Variants in CACNA2D4 observed in about 807,000 individuals in gnomAD.
The protein encoded by CACNA2D4 is calcium voltage-gated channel auxiliary subunit alpha2delta 4, also known as voltage-dependent calcium channel subunit alpha-2/delta-4.
A neutral mutation model predicts 163.8 loss-of-function variants in CACNA2D4; 157 were observed. The ratio of observed to expected loss-of-function variants is 0.96; its 90% CI spans 0.84 to 1.09. CACNA2D4 has a LOEUF of 1.09. Among genes scored for constraint, CACNA2D4 ranks in the 50% least tolerant of loss-of-function variants. CACNA2D4 has a pLI of 0.00. For missense variants in CACNA2D4, 1,410 were observed against 1,479.9 expected, an observed-to-expected ratio of 0.95 and a Z score of 0.78; for synonymous variants, 598 against 586.9, an observed-to-expected ratio of 1.02 and a Z score of -0.27.
Position 1,814,357 on chromosome 12 carries a change from C to G in CACNA2D4, c.2552-2634G>C, listed in dbSNP as rs376398070. Among the ~76,000 whole-genome samples, 279 of 152,314 alleles carry G rather than the reference C, an allele frequency of 1.8e-3. 1 individual carries two copies. The highest frequency in any genetic ancestry group is 6.3e-3 in the African/African-American group (262 of 41,560). ...TGGTTCCATTCCAGGCTCCTCCAAGCCAAGCTGTGTGTCTTGCCCCGGGTG... is the reference window on the plus strand; with the variant it reads ...TGGTTCCATTCCAGGCTCCTCCAAGGCAAGCTGTGTGTCTTGCCCCGGGTG... On this transcript the variant is annotated intron_variant, in intron 26 of 37. Transcript: ENST00000382722.
chr12:1,831,040 G>T, intron 26 of CACNA2D4: 1 of 1,614,072 alleles, frequency 6.2e-7, no homozygotes, highest in East Asian at 2.2e-5. Context: ...AGTGGCCTTG[G>T]CCTCACCACG....
At chr12:1,810,145 C>A (rs1361152143) in intron 29 of CACNA2D4, 133 bp downstream of exon 29, 2 of 698,466 alleles carry the variant, frequency 2.9e-6, no homozygotes, top group Non-Finnish European at 5.1e-6. Context: ...GTTCTTCAGA[C>A]CTTTCACCTG....
chr12:1,910,003 A>G (rs1565741754), intron 3 of CACNA2D4, 38 bp from the exon 4 acceptor site: 1 of 1,577,136 alleles, frequency 6.3e-7, no homozygotes, highest in Non-Finnish European at 8.7e-7. Context: ...AGAATGGGTA[A>G]AAGGAGCCCA....
At chr12:1,857,866 G>A (rs947884117) in intron 20 of CACNA2D4, among the ~76,000 whole-genome samples, 3 of 152,190 alleles carry the variant, frequency 2.0e-5, no homozygotes, top group Non-Finnish European at 4.4e-5. Flanking sequence ...ATCAAATTAA[G>A]ATGAGATCAT....
intron 2 of CACNA2D4, 60 bp downstream of exon 2, chr12:1,914,794 G>C: frequency 8.7e-7 from 1 of 1,155,598 alleles, no homozygotes; most frequent in Non-Finnish European, 1.3e-6. Context: ...GGCATTTGGG[G>C]GCTTCGATGG....
rs773758032 is a variant in CACNA2D4 at position 1,797,426 on chromosome 12, G to A, written c.3105C>T (p.Pro1035=). The change falls in exon 35 of 38, where the codon CCC becomes CCT. Residue 1035 remains proline (P), a synonymous_variant. Coordinates refer to ENST00000382722, the MANE Select transcript of CACNA2D4 (RefSeq NM_172364.5). ...CCGCCCTGCGGTCTTACTTCTGGCA[G>A]GGCCCGCACTCCACGATCCCGTTGG... ...REANGIVECG[P]CQKVFVVQQI... The A allele has an allele frequency of 9.1e-6, 14 of 1,545,858 alleles. No homozygotes were observed. The highest frequency in any genetic ancestry group is 1.7e-4 in the Middle Eastern group (1 of 5,808).
At chr12:1,842,299 C>T (rs1647920905) in intron 25 of CACNA2D4, among the ~76,000 whole-genome samples, 1 of 152,204 alleles carries the variant, frequency 6.6e-6, no homozygotes, top group East Asian at 1.9e-4. Context: ...GCACTGACTG[C>T]ACAATGCAGC....
chr12:1,893,372 A>G (rs1236277734), intron 6 of CACNA2D4, among the ~76,000 whole-genome samples: 1 of 152,154 alleles, frequency 6.6e-6, no homozygotes, highest in Admixed American at 6.5e-5. Context: ...AAAAAAAATT[A>G]GCCACACATG....
intron 16 of CACNA2D4, among the ~76,000 whole-genome samples, chr12:1,876,902 A>G (rs958961992): frequency 6.6e-6 from 1 of 152,210 alleles, no homozygotes; most frequent in African/African-American, 2.4e-5. Context: ...AAATACTCCT[A>G]CATGGGGCAC....
chr12:1,831,606 T>C, intron 26 of CACNA2D4: 1 of 1,249,238 alleles, frequency 8.0e-7, no homozygotes, highest in Non-Finnish European at 1.1e-6. Context: ...GGTGGCTGGG[T>C]GCTGACTCAG....
intron 19 of CACNA2D4, among the ~76,000 whole-genome samples, chr12:1,859,612 C>T (rs1450561129): frequency 6.6e-6 from 1 of 152,214 alleles, no homozygotes; most frequent in Non-Finnish European, 1.5e-5. Flanking sequence ...TTAATCTTCA[C>T]AACATCACCA....
rs1004333449 is a variant in CACNA2D4 at position 1,843,206 on chromosome 12, C to T, written c.2470+1196G>A. Among the ~76,000 whole-genome samples, 4 of 152,074 alleles carry T rather than the reference C, an allele frequency of 2.6e-5. No individual in the cohort carries two copies. The highest frequency in any genetic ancestry group is 9.7e-5 in the African/African-American group (4 of 41,420). ...GGGGCATAGCACCAGGTGAGGAAGG[C>T]GGGATTCCGGAGGGGGCGGGGTGGA... On this transcript the variant is annotated intron_variant, in intron 25 of 37. Transcript: ENST00000382722. This position sits in a 1 kb window ranked among gnomAD's most constrained non-coding sequence, Gnocchi z 4.6.
Position 1,798,842 on chromosome 12 carries a change from C to T in CACNA2D4, c.2995+833G>A, listed in dbSNP as rs1053466735. Among the ~76,000 whole-genome samples the T allele has an allele frequency of 6.6e-6, 1 of 152,190 alleles. No homozygotes were observed. The highest frequency in any genetic ancestry group is 2.4e-5 in the African/African-American group (1 of 41,446). On this transcript the variant is annotated intron_variant, in intron 34 of 37. Transcript: ENST00000382722. The surrounding 1 kb of genome is among the most constrained non-coding windows in gnomAD (Gnocchi z 4.3). The stretch of plus-strand genomic sequence containing the variant: ...CACTGACACCTAGTGACTGTGAACA[C>T]CCCAGAGCAGCCCCACCCGATCGCG...
chr12:1,793,634 C>T lies in CACNA2D4; in HGVS notation c.*21G>A, dbSNP rs754996586. 1 of 1,608,038 alleles carries T rather than the reference C, an allele frequency of 6.2e-7. No homozygotes were observed. Among genetic ancestry groups the T allele is most frequent in the South Asian group, 1.1e-5 (1 of 90,960 alleles). On this transcript the variant is annotated 3_prime_UTR_variant, in exon 38 of 38. Transcript: ENST00000382722. The stretch of plus-strand genomic sequence containing the variant: ...CTCTGGAAGGATCACCTTGCCAAAA[C>T]ACAGGTCAGGCTGGGTGGTGTCACC...
chr12:1,808,436 G>A (rs1047371876), intron 29 of CACNA2D4, among the ~76,000 whole-genome samples: 1 of 152,240 alleles, frequency 6.6e-6, no homozygotes, highest in Admixed American at 6.5e-5. Context: ...GTATTCAAAG[G>A]TTTTACTGGA....
Position 1,839,409 on chromosome 12 carries a change from G to C in CACNA2D4, c.2551+1330C>G, listed in dbSNP as rs1013404290. Among the ~76,000 whole-genome samples the C allele has an allele frequency of 2.0e-5, 3 of 152,238 alleles. No homozygotes were observed. In the South Asian group the frequency reaches 6.2e-4, roughly 31 times the overall value. On this transcript the variant is annotated intron_variant, in intron 26 of 37. Coordinates refer to ENST00000382722, the MANE Select transcript of CACNA2D4 (RefSeq NM_172364.5). Reference sequence around the variant, plus strand: ...GGCAGAGACACCAAGGACTCTGCAGGCACGAAGAAACTGAAAGTCAGGAGA... The same window carrying C: ...GGCAGAGACACCAAGGACTCTGCAGCCACGAAGAAACTGAAAGTCAGGAGA...
Position 1,881,803 on chromosome 12 carries a change from G to A in CACNA2D4, c.1485+1064C>T, listed in dbSNP as rs540841658. Among the ~76,000 whole-genome samples the A allele has an allele frequency of 1.7e-3, 257 of 152,362 alleles. 1 individual carries two copies. The highest frequency in any genetic ancestry group is 2.8e-3 in the Non-Finnish European group (191 of 68,034). ...ATCTGCTGAGCATGGCCGTGTTGGC[G>A]GAGCCCCTTTAAAGTAGATTAATGA... On this transcript the variant is annotated intron_variant, in intron 13 of 37. Transcript: ENST00000382722.
chr12:1,901,799 C>G (rs1198827340), intron 6 of CACNA2D4, among the ~76,000 whole-genome samples: 1 of 152,042 alleles, frequency 6.6e-6, no homozygotes, highest in African/African-American at 2.4e-5. Context: ...CAATCCTACT[C>G]AAACTATTAT....
chr12:1,830,055 C>T (rs897274045), intron 26 of CACNA2D4, among the ~76,000 whole-genome samples: 10 of 152,190 alleles, frequency 6.6e-5, no homozygotes, highest in African/African-American at 2.2e-4. Context: ...GGGTCTTGGG[C>T]AAAAGATGGG....
Sources: gnomAD v4.1 joint callset for allele counts (sites outside exome capture counted in the v4.1 genomes callset) on GRCh38, gnomAD v4.1.1 for gene constraint, Gnocchi (gnomAD v3.1) non-coding constraint, MANE v1.5 for transcripts, NCBI Gene and HGNC (gene_info 2026-07-23, HGNC 2026-07-21) for gene names.